Variants in ACBD3 observed in about 807,000 individuals in gnomAD.
ACBD3 encodes Golgi resident protein GCP60.
Under a neutral mutation model 66.9 loss-of-function variants are expected in ACBD3, and 30 were observed. The ratio of observed to expected loss-of-function variants is 0.45; its 90% CI spans 0.34 to 0.61. The LOEUF (loss-of-function observed/expected upper bound fraction) is 0.61. Ranked by LOEUF, ACBD3 falls within the 20% of genes least tolerant of loss-of-function variation. The pLI is 0.02. For missense variants in ACBD3, 544 were observed against 664.5 expected, an observed-to-expected ratio of 0.82 and a Z score of 1.99; for synonymous variants, 278 against 259.8, an observed-to-expected ratio of 1.07 and a Z score of -0.68.
chr1:226,163,951 T>G (rs1659819169), intron 3 of ACBD3, among the ~76,000 whole-genome samples: 1 of 151,638 alleles, frequency 6.6e-6, no homozygotes, highest in South Asian at 2.1e-4. Context: ...TAAAACCTCA[T>G]CTCTACTAAA....
rs574430885 is a variant in ACBD3, at chr1:226,145,628, G to T, written c.*982C>A. ...GTAATTCCAAACTGGAATAATGTGG[G>T]GTTTGTGACTAAGTAGTAACAAATT... On this transcript the variant is annotated 3_prime_UTR_variant, in exon 8 of 8. Transcript: ENST00000366812. 2.9e-4 allele frequency: 44 copies of T among 152,638 alleles called. No homozygotes were observed. The highest frequency in any genetic ancestry group is 9.9e-4 in the African/African-American group (41 of 41,544). The allele number at this position is 152,638 out of a possible 1,614,324, so 9.5% of individuals were successfully genotyped here.
intron 2 of ACBD3, 116 bp from the exon 3 acceptor site, chr1:226,165,045 A>G (rs1659846720): frequency 1.8e-6 from 2 of 1,132,666 alleles, no homozygotes; most frequent in Non-Finnish European, 2.4e-6. Flanking sequence ...TTCTATTGGG[A>G]GCAAAAGGCT....
At chr1:226,162,867 GCTCACTGCAACCTCCGC>G (rs1033905859) in intron 3 of ACBD3, among the ~76,000 whole-genome samples, 3 of 151,338 alleles carry the variant, frequency 2.0e-5, no homozygotes, top group African/African-American at 7.3e-5. Flanking sequence ...CACATTCTTG[GCTCACTGCAACCTCCGC>G]CTCCCAGGCT....
At chr1:226,181,952 C>A (rs984621497) in intron 1 of ACBD3, among the ~76,000 whole-genome samples, 2 of 152,112 alleles carry the variant, frequency 1.3e-5, no homozygotes, top group African/African-American at 4.8e-5. Context: ...CAACTCTGGC[C>A]GGGCGTGGTA....
At chr1:226,177,476 A>C (rs1432147875) in intron 1 of ACBD3, among the ~76,000 whole-genome samples, 1 of 150,808 alleles carries the variant, frequency 6.6e-6, no homozygotes, top group Non-Finnish European at 1.5e-5. Flanking sequence ...GATTACAGGT[A>C]TGAGCCACCG....
Position 226,146,546 on chromosome 1 carries a change from G to A in ACBD3, c.*64C>T. 1 of 1,438,750 alleles carries A rather than the reference G, an allele frequency of 7.0e-7. No individual in the cohort carries two copies. The allele number at this position is 1,438,750 out of a possible 1,614,324, so 89.1% of individuals were successfully genotyped here. On this transcript the variant is annotated 3_prime_UTR_variant, in exon 8 of 8. Coordinates refer to ENST00000366812, the MANE Select transcript of ACBD3 (RefSeq NM_022735.4). ...CTCTAATGCTCCACAAAAGTAAAAAGAAATTTCCAAATTAAATGTCATCTT... is the reference window on the plus strand; with the variant it reads ...CTCTAATGCTCCACAAAAGTAAAAAAAAATTTCCAAATTAAATGTCATCTT...
rs1278321467 is a variant in ACBD3, at chr1:226,154,756, T to G, written c.981A>C (p.Val327=). The part of the protein sequence containing the change: ...LPTSSKVNAT[V]PSNMMSVNGQ... The stretch of plus-strand genomic sequence containing the variant: ...CATTAACTGACATCATATTACTTGG[T>G]ACAGTTGCATTCACTTTTGATGATG... Residue 327 remains valine (V), a synonymous_variant, in exon 6 of 8, where the codon GTA becomes GTC. Transcript: ENST00000366812. 1.9e-6 allele frequency: 3 copies of G among 1,613,944 alleles called. No homozygotes were observed. The Admixed American group carries it at 5.0e-5, about 27-fold the overall frequency.
intron 1 of ACBD3, among the ~76,000 whole-genome samples, chr1:226,166,944 G>T (rs1423550132): frequency 6.6e-6 from 1 of 152,050 alleles, no homozygotes; most frequent in Non-Finnish European, 1.5e-5. Context: ...CTACAGGCAT[G>T]TGCCACCACA....
chr1:226,158,179 A>C (rs896486762), intron 5 of ACBD3, among the ~76,000 whole-genome samples: 1 of 152,234 alleles, frequency 6.6e-6, no homozygotes, highest in Admixed American at 6.5e-5. Context: ...TTTAGTAAGA[A>C]TACACATTTT....
At chr1:226,157,451 C>T (rs1166442615) in intron 5 of ACBD3, among the ~76,000 whole-genome samples, 2 of 152,166 alleles carry the variant, frequency 1.3e-5, no homozygotes, top group African/African-American at 4.8e-5. Context: ...ATTGGTCAGG[C>T]TGTTCTCGAA....
intron 7 of ACBD3, among the ~76,000 whole-genome samples, chr1:226,147,229 T>C (rs546026766): frequency 3.3e-5 from 5 of 152,334 alleles, no homozygotes; most frequent in Admixed American, 6.5e-5. Context: ...GGGAATTCTG[T>C]TGAACCATTT....
intron 7 of ACBD3, among the ~76,000 whole-genome samples, chr1:226,150,053 TA>T (rs1659539074): frequency 6.7e-6 from 1 of 149,916 alleles, no homozygotes; most frequent in East Asian, 1.9e-4. Flanking sequence ...TTATTTTTTT[TA>T]ATTTTTTTTT....
chr1:226,154,258 C>T (rs1178434845), intron 6 of ACBD3, among the ~76,000 whole-genome samples: 1 of 151,740 alleles, frequency 6.6e-6, no homozygotes, highest in African/African-American at 2.4e-5. Context: ...TGCTTTGTCA[C>T]CCAGGCAGGC....
At chr1:226,163,025 T>C (rs1322149526) in intron 3 of ACBD3, among the ~76,000 whole-genome samples, 1 of 152,010 alleles carries the variant, frequency 6.6e-6, no homozygotes, top group East Asian at 1.9e-4. Context: ...GGTCCTGAAC[T>C]CTTGGACTCA....
In ACBD3 at chr1:226,145,591, TCTC is replaced by T. The variant is rs1428079288; in HGVS notation, c.*1016_*1018del. 1.3e-5 allele frequency: 2 copies of T among 152,586 alleles called. No homozygotes were observed. Among genetic ancestry groups the T allele is most frequent in the Non-Finnish European group, 2.9e-5 (2 of 68,020 alleles). 9.5% of individuals were successfully genotyped at this position (152,586 alleles called of 1,614,324 possible). On this transcript the variant is annotated 3_prime_UTR_variant, in exon 8 of 8. Transcript: ENST00000366812. ...AAGCATGGGCATATGTATTTCCAAT[TCTC>T]CTTAATAAGTAATTCCAAACTGGAA... is the stretch of plus-strand genomic sequence containing the variant.
chr1:226,186,479 C>T lies in ACBD3; in HGVS notation c.197G>A (p.Gly66Glu), dbSNP rs991780965. The stretch of plus-strand genomic sequence containing the variant: ...CCGCCGCGCCTCCTCCGCCGCGCCC[C>T]CAGCCGCCGCCTCCCCGGGCTCGGG... ...EQPEPGEAAAGGAAEEARRLE... is the reference protein window; with the variant it reads ...EQPEPGEAAAEGAAEEARRLE... Residue 66 changes from glycine (G) to glutamate (E), a missense_variant, in exon 1 of 8, where the codon GGG (glycine) becomes GAG (glutamate). Physicochemically the swap from Gly to Glu is moderately conservative, Grantham distance 98. Coordinates refer to ENST00000366812, the MANE Select transcript of ACBD3 (RefSeq NM_022735.4). 7 of 1,492,190 alleles carry T rather than the reference C, an allele frequency of 4.7e-6. No individual in the cohort carries two copies. The highest frequency in any genetic ancestry group is 6.2e-6 in the Non-Finnish European group (7 of 1,123,188). 92.4% of individuals were successfully genotyped at this position (1,492,190 alleles called of 1,614,324 possible). A position where few individuals can be genotyped will look rare whatever the true frequency, so the allele number is the denominator to read the frequency against.
intron 1 of ACBD3, among the ~76,000 whole-genome samples, chr1:226,167,380 C>T (rs1052725419): frequency 1.5e-4 from 23 of 152,202 alleles, no homozygotes; most frequent in Admixed American, 1.5e-3. Flanking sequence ...AAAGGGTTAC[C>T]CTTCAGAGGT....
At chr1:226,170,618 A>C (rs539504172) in intron 1 of ACBD3, among the ~76,000 whole-genome samples, 19 of 152,142 alleles carry the variant, frequency 1.2e-4, no homozygotes, top group Non-Finnish European at 2.2e-4. Flanking sequence ...CACACACACA[A>C]AATTTTTTTT....
intron 1 of ACBD3, among the ~76,000 whole-genome samples, chr1:226,184,273 C>T (rs1656241523): frequency 6.6e-6 from 1 of 152,210 alleles, no homozygotes; most frequent in Non-Finnish European, 1.5e-5. Context: ...TTACATCCTT[C>T]CCTTTTGTCA....
Sources: allele counts gnomAD v4.1 joint callset (sites outside exome capture counted in the v4.1 genomes callset), GRCh38; gene constraint gnomAD v4.1.1; transcripts MANE v1.5; gene names NCBI Gene and HGNC (gene_info 2026-07-23, HGNC 2026-07-21).